The following CWC27 variants were observed in gnomAD, a reference collection of about 807,000 sequenced individuals.
CWC27 encodes CWC27 spliceosome associated cyclophilin.
CWC27 carries 47 observed loss-of-function variants against 63.6 expected under a neutral mutation model. The ratio of observed to expected loss-of-function variants is 0.74; its 90% CI spans 0.58 to 0.94. The LOEUF is 0.94. CWC27 is among the 40% of genes least tolerant of loss of function. CWC27 has a pLI of 0.00. For missense variants in CWC27, 495 were observed against 554.3 expected, an observed-to-expected ratio of 0.89 and a Z score of 1.07; for synonymous variants, 175 against 179.8, an observed-to-expected ratio of 0.97 and a Z score of 0.22.
rs184693396 is a variant in CWC27 at position 64,947,596 on chromosome 5, C to T, written c.1043-24107C>T. Among the ~76,000 whole-genome samples the T allele has an allele frequency of 1.8e-4, 27 of 152,132 alleles. No homozygotes were observed. The South Asian group carries it at 2.7e-3, about 15-fold the overall frequency. On this transcript the variant is annotated intron_variant, in intron 11 of 13. Transcript: ENST00000381070. ...GTCCACAATCTGTTATTATCTGTAC[C>T]ATTTCACTAGTTATTAACAGAATTG...
chr5:64,906,004 G>C (rs760589272), intron 11 of CWC27, among the ~76,000 whole-genome samples: 2 of 147,988 alleles, frequency 1.4e-5, no homozygotes, highest in Non-Finnish European at 2.9e-5. Flanking sequence ...CAAAGGACAT[G>C]AACTCATCCT....
At chr5:64,830,975 G>T (rs1229408273) in intron 10 of CWC27, among the ~76,000 whole-genome samples, 1 of 152,022 alleles carries the variant, frequency 6.6e-6, no homozygotes, top group Admixed American at 6.6e-5. Flanking sequence ...ATTTAAAAAT[G>T]ATATGTCTCA....
chr5:64,972,539 CTT>C, intron 12 of CWC27: 1 of 170,820 alleles, frequency 5.9e-6, no homozygotes, highest in South Asian at 8.3e-5. Context: ...AACAAACTGC[CTT>C]ATATATATAT....
intron 13 of CWC27, among the ~76,000 whole-genome samples, chr5:65,015,476 A>G (rs1430533820): frequency 6.6e-6 from 1 of 152,216 alleles, no homozygotes; most frequent in Non-Finnish European, 1.5e-5. Flanking sequence ...TTAGACATCA[A>G]CACAGCCAGC....
At chr5:64,885,623 C>T in intron 11 of CWC27, 77 bp downstream of exon 11, 1 of 1,035,332 alleles carries the variant, frequency 9.7e-7, no homozygotes, top group Non-Finnish European at 1.5e-6. Flanking sequence ...CCTGCCCGCT[C>T]CCGTATTCAT....
At chr5:64,873,228 CT>C (rs997770975) in intron 10 of CWC27, among the ~76,000 whole-genome samples, 4 of 152,196 alleles carry the variant, frequency 2.6e-5, no homozygotes, top group African/African-American at 9.6e-5. Flanking sequence ...AGAAAGAAAG[CT>C]TTTTTCCAAG....
chr5:64,969,491 T>G (rs1749079195), intron 11 of CWC27, among the ~76,000 whole-genome samples: 1 of 152,198 alleles, frequency 6.6e-6, no homozygotes, highest in Admixed American at 6.5e-5. Context: ...TAACTGAGGC[T>G]GGCGAGGGGA....
chr5:64,885,808 A>G lies in CWC27; in HGVS notation c.1042+262A>G, dbSNP rs546641867. Among the ~76,000 whole-genome samples, 32 of 151,178 alleles carry G rather than the reference A, an allele frequency of 2.1e-4. No homozygotes were observed. In the South Asian group the frequency reaches 6.3e-3, roughly 30 times the overall value. ...ACCCAGGAAATTTGTCTAAGAAGTAAATTCAGTGCAAATGGGATTGTAACT... is the reference window on the plus strand; with the variant it reads ...ACCCAGGAAATTTGTCTAAGAAGTAGATTCAGTGCAAATGGGATTGTAACT... On this transcript the variant is annotated intron_variant, in intron 11 of 13. Coordinates refer to ENST00000381070, the MANE Select transcript of CWC27 (RefSeq NM_005869.4).
At chr5:64,990,860 G>T (rs1749525645) in intron 13 of CWC27, among the ~76,000 whole-genome samples, 1 of 152,164 alleles carries the variant, frequency 6.6e-6, no homozygotes, top group African/African-American at 2.4e-5. Flanking sequence ...TGGCATTAAT[G>T]CTATAGCACA....
At chr5:64,934,673 A>G (rs1748308472) in intron 11 of CWC27, among the ~76,000 whole-genome samples, 1 of 152,172 alleles carries the variant, frequency 6.6e-6, no homozygotes, top group Non-Finnish European at 1.5e-5. Context: ...TTCAGGAATC[A>G]CCACACTGTC....
chr5:64,777,788 T>C (rs1435610193), intron 2 of CWC27, among the ~76,000 whole-genome samples: 1 of 152,100 alleles, frequency 6.6e-6, no homozygotes, highest in Admixed American at 6.6e-5. Context: ...ATATACAGTA[T>C]TATAAACTAT....
intron 13 of CWC27, among the ~76,000 whole-genome samples, chr5:65,017,031 T>C (rs906224592): frequency 5.9e-5 from 9 of 152,072 alleles, no homozygotes; most frequent in Non-Finnish European, 1.2e-4. Context: ...GTATGAAAAT[T>C]GAACTTTTCG....
rs757612034 is a variant in CWC27 at position 64,934,090 on chromosome 5, T to TTTTTG, written c.1043-37594_1043-37590dup. Among the ~76,000 whole-genome samples, 9 of 152,286 alleles carry TTTTTG rather than the reference T, an allele frequency of 5.9e-5. No homozygotes were observed. The South Asian group carries it at 6.2e-4, about 11-fold the overall frequency. ...CCTTATCAAGCTTTCACCCTTAGTT[T>TTTTTG]TTTTGTTTTGTTTTGTTTTGTTTGT... On this transcript the variant is annotated intron_variant, in intron 11 of 13. Coordinates refer to ENST00000381070, the MANE Select transcript of CWC27 (RefSeq NM_005869.4).
chr5:64,894,608 A>G (rs1163512480), intron 11 of CWC27, among the ~76,000 whole-genome samples: 1 of 152,210 alleles, frequency 6.6e-6, no homozygotes, highest in South Asian at 2.1e-4. Flanking sequence ...ATGGCAGCCT[A>G]GGAGTCCAAA....
intron 10 of CWC27, among the ~76,000 whole-genome samples, chr5:64,816,760 T>G (rs564999245): frequency 6.6e-6 from 1 of 152,272 alleles, no homozygotes; most frequent in South Asian, 2.1e-4. Context: ...TTTTCAGGCC[T>G]GTGAATAGAG....
chr5:64,815,353 G>T (rs1358224659), intron 10 of CWC27, among the ~76,000 whole-genome samples: 1 of 152,152 alleles, frequency 6.6e-6, no homozygotes, highest in Non-Finnish European at 1.5e-5. Flanking sequence ...TCTGAAATGT[G>T]CTACTCTCAT....
chr5:64,785,477 A>G lies in CWC27; in HGVS notation c.397-4A>G. 7.7e-7 allele frequency: 1 copy of G among 1,301,976 alleles called. No homozygotes were observed. Among genetic ancestry groups the G allele is most frequent in the Non-Finnish European group, 1.0e-6 (1 of 1,000,166 alleles). The allele number at this position is 1,301,976 out of a possible 1,614,324, so 80.7% of individuals were successfully genotyped here. On this transcript the variant is annotated splice_region_variant and splice_polypyrimidine_tract_variant and intron_variant, in intron 4 of 13. Transcript: ENST00000381070. ...TCAATTACATTATATTTTTAATTTG[A>G]TAGGTTACAGGGGATACAGTATATA...
At chr5:64,839,401 C>G (rs1021508624) in intron 10 of CWC27, among the ~76,000 whole-genome samples, 4 of 152,152 alleles carry the variant, frequency 2.6e-5, no homozygotes, top group Admixed American at 6.5e-5. Context: ...ATATATGATA[C>G]AAGCAGTGTT....
At chr5:64,771,936 C>A (rs1193705606) in intron 1 of CWC27, among the ~76,000 whole-genome samples, 5 of 152,210 alleles carry the variant, frequency 3.3e-5, no homozygotes, top group African/African-American at 4.8e-5. Context: ...GGCCAAAAAA[C>A]CACGTAATAA....
Sources: allele counts gnomAD v4.1 joint callset (sites outside exome capture counted in the v4.1 genomes callset), GRCh38; gene constraint gnomAD v4.1.1; transcripts MANE v1.5; gene names NCBI Gene and HGNC (gene_info 2026-07-23, HGNC 2026-07-21).